ZNF469: variants seen among roughly 807,000 people sequenced by gnomAD.
The protein encoded by ZNF469 is zinc finger protein 469.
A neutral mutation model predicts 1.0 loss-of-function variants in ZNF469; 1 was observed. That is an observed-to-expected ratio of 1.00 (90% CI 0.35 to 4.73). The LOEUF is 4.73. Ranked by LOEUF, ZNF469 falls within the 30% of genes most tolerant of loss-of-function variation. The pLI is 0.16. For missense variants in ZNF469, 6,100 were observed against 5,356.3 expected, an observed-to-expected ratio of 1.14 and a Z score of -4.33; for synonymous variants, 2,703 against 2,363.4, an observed-to-expected ratio of 1.14 and a Z score of -4.17.
chr16:88,122,059 G>C, the ZNF469 span, among the ~76,000 whole-genome samples: 1 of 149,990 alleles, frequency 6.7e-6, no homozygotes, highest in African/African-American at 2.4e-5. Flanking sequence ...CGGCCACTCT[G>C]ATCGCACCCT....
At position 88,438,037 on chromosome 16, in the gene ZNF469, T is replaced by C; in HGVS notation, c.10567T>C (p.Trp3523Arg). ...GGTGGCTCCCAGCACCACCAAGGGA[T>C]GGCCCGAGACCCTAGAGAGGCCTGT... ...SEVAPSTTKG[W>R]PETLERPVDP... Residue 3523 changes from tryptophan (W) to arginine (R), a missense_variant, in exon 3 of 3, where the codon TGG becomes CGG. Physicochemically the swap from Trp to Arg is moderately radical, Grantham distance 101 (BLOSUM62 -3). Coordinates refer to ENST00000565624, the MANE Select transcript of ZNF469 (RefSeq NM_001367624.2). 1 of 1,550,166 alleles carries C rather than the reference T, an allele frequency of 6.5e-7. No individual in the cohort carries two copies.
At chr16:88,234,553 G>A in the ZNF469 span, among the ~76,000 whole-genome samples, 1 of 152,226 alleles carries the variant, frequency 6.6e-6, no homozygotes, top group African/African-American at 2.4e-5. Context: ...CGCGGACCAG[G>A]GCTGACCGTG....
At chr16:88,380,413 A>G (rs562113183), upstream of ZNF469, among the ~76,000 whole-genome samples, 79 of 147,194 alleles carry the variant, frequency 5.4e-4, no homozygotes, top group South Asian at 2.9e-3. Context: ...ACAGACATGC[A>G]CTCACACAGA....
chr16:88,398,778 C>A (rs9746286), intron 1 of ZNF469, among the ~76,000 whole-genome samples: 106,080 of 152,032 alleles, frequency 0.7, 38,206 homozygotes, highest in African/African-American at 0.88. Context: ...TTGGACTTGG[C>A]TCCTTTGCAG....
chr16:88,335,813 C>T, the ZNF469 span, among the ~76,000 whole-genome samples: 3 of 152,086 alleles, frequency 2.0e-5, no homozygotes, highest in African/African-American at 7.2e-5. Flanking sequence ...ACGTGAGACA[C>T]TGATGCGCCA....
In ZNF469 at chr16:88,435,851, C is replaced by T. The variant is rs202188220; in HGVS notation, c.8381C>T (p.Thr2794Met). The change falls in exon 3 of 3, where the codon ACG (threonine) becomes ATG (methionine). Residue 2794 changes from threonine to methionine, a missense_variant. Transcript: ENST00000565624. ...RSEEGVWEENTPPLGPLGFPE... is the reference protein window; with the variant it reads ...RSEEGVWEENMPPLGPLGFPE... ...GAGGAAGGTGTCTGGGAGGAGAACA[C>T]GCCCCCCTTGGGCCCCCTGGGTTTT... The T allele has an allele frequency of 5.2e-4, 800 of 1,550,350 alleles. 2 individuals are homozygous for T. The African/African-American group carries it at 9.1e-3, about 18-fold the overall frequency.
chr16:88,140,473 A>AGCCACG, the ZNF469 span, among the ~76,000 whole-genome samples: 1 of 151,356 alleles, frequency 6.6e-6, no homozygotes, highest in African/African-American at 2.5e-5. Context: ...GGTAGCACGG[A>AGCCACG]AAGTCAGTGA....
the ZNF469 span, among the ~76,000 whole-genome samples, chr16:88,341,741 T>G: frequency 4.0e-5 from 6 of 151,040 alleles, no homozygotes; most frequent in Non-Finnish European, 5.9e-5. Context: ...AGACTGGGGG[T>G]GGGGTTCAGA....
At chr16:88,140,485 A>G in the ZNF469 span, among the ~76,000 whole-genome samples, 1 of 133,078 alleles carries the variant, frequency 7.5e-6, no homozygotes, top group African/African-American at 4.3e-5. Context: ...AGTCAGTGAC[A>G]ACACTGATTT....
chr16:88,339,003 G>T, the ZNF469 span, among the ~76,000 whole-genome samples: 278 of 151,956 alleles, frequency 1.8e-3, no homozygotes, highest in Non-Finnish European at 3.2e-3. Flanking sequence ...ACACTTGATA[G>T]TGTGCGTTCA....
the ZNF469 span, among the ~76,000 whole-genome samples, chr16:88,198,740 C>T: frequency 3.9e-5 from 6 of 152,158 alleles, no homozygotes; most frequent in African/African-American, 9.7e-5. Flanking sequence ...GGCTTTGTTT[C>T]GTGGTGGTTC....
the ZNF469 span, among the ~76,000 whole-genome samples, chr16:88,358,487 C>T: frequency 1.3e-5 from 2 of 152,266 alleles, no homozygotes; most frequent in Admixed American, 1.3e-4. Flanking sequence ...CAGATCCGAA[C>T]ATTCCGGGAT....
the ZNF469 span, among the ~76,000 whole-genome samples, chr16:88,214,995 C>T: frequency 3.3e-5 from 5 of 152,110 alleles, no homozygotes; most frequent in Admixed American, 1.3e-4. Flanking sequence ...TGATGCTCCT[C>T]GCTTTATAGC....
At chr16:88,275,523 C>T in the ZNF469 span, among the ~76,000 whole-genome samples, 2 of 152,128 alleles carry the variant, frequency 1.3e-5, no homozygotes, top group African/African-American at 2.4e-5. Flanking sequence ...GCGTTGATGG[C>T]GGGAGGGTGC....
the ZNF469 span, among the ~76,000 whole-genome samples, chr16:88,167,216 C>T: frequency 7.9e-5 from 12 of 152,102 alleles, no homozygotes; most frequent in East Asian, 7.7e-4. Context: ...CACCTGCCAC[C>T]GTGCCCGGCT....
the ZNF469 span, among the ~76,000 whole-genome samples, chr16:88,163,901 T>G: frequency 4.7e-5 from 7 of 149,644 alleles, no homozygotes; most frequent in South Asian, 1.5e-3. Flanking sequence ...GATGAATGGA[T>G]GGATGGATGG....
the ZNF469 span, among the ~76,000 whole-genome samples, chr16:88,284,462 A>C: frequency 6.6e-6 from 1 of 152,088 alleles, no homozygotes; most frequent in African/African-American, 2.4e-5. Context: ...CAAAAAAATA[A>C]ATACATAAAA....
chr16:88,255,033 C>T, the ZNF469 span, among the ~76,000 whole-genome samples: 1 of 152,280 alleles, frequency 6.6e-6, no homozygotes, highest in East Asian at 1.9e-4. Flanking sequence ...TCAGTAGCTT[C>T]TTTTCTTAAT....
Position 88,433,168 on chromosome 16 carries a change from C to T in ZNF469, c.5698C>T (p.Pro1900Ser), listed in dbSNP as rs754730500. 24 of 1,549,810 alleles carry T rather than the reference C, an allele frequency of 1.5e-5. 1 individual carries two copies. Among genetic ancestry groups the T allele is most frequent in the Middle Eastern group, 1.7e-4 (1 of 6,014 alleles). ...GAGGTCCCAGGACCCAGCTTTGAGC[C>T]CCCCCATACGTCAGCTCCAGCTCCC... ...SRRSQDPALSPPIRQLQLPGP... is the reference protein window; with the variant it reads ...SRRSQDPALSSPIRQLQLPGP... The change falls in exon 3 of 3, where the codon CCC (proline) becomes TCC (serine). Residue 1900 changes from proline to serine, a missense_variant. Pro to Ser is a moderately conservative substitution (Grantham distance 74). Coordinates refer to ENST00000565624, the MANE Select transcript of ZNF469 (RefSeq NM_001367624.2).
Sources: gnomAD v4.1 joint callset for allele counts (sites outside exome capture counted in the v4.1 genomes callset) on GRCh38, gnomAD v4.1.1 for gene constraint, MANE v1.5 for transcripts, NCBI Gene and HGNC (gene_info 2026-07-23, HGNC 2026-07-21) for gene names.